GANC: variants seen among roughly 807,000 people sequenced by gnomAD.
GANC encodes neutral alpha-glucosidase C.
In GANC, 117 loss-of-function variants were observed where a neutral mutation model predicts 124.2. The observed-to-expected ratio is 0.94, with a 90% confidence interval of 0.81 to 1.10. The LOEUF is 1.10. GANC is among the 50% of genes least tolerant of loss of function. The pLI is 0.00. For missense variants in GANC, 1,140 were observed against 1,095.0 expected (o/e 1.04, Z -0.58); for synonymous variants, 377 against 376.8 (o/e 1.00, Z -0.01).
chr15:42,327,535 T>G (rs1450780106), intron 13 of GANC, 93 bp downstream of exon 13: 2 of 999,456 alleles, frequency 2.0e-6, no homozygotes, highest in African/African-American at 3.2e-5. Flanking sequence ...TTTCATTGAG[T>G]AGCTTTTGAT....
intron 12 of GANC, among the ~76,000 whole-genome samples, chr15:42,326,793 C>G (rs966367585): frequency 6.6e-6 from 1 of 152,146 alleles, no homozygotes; most frequent in African/African-American, 2.4e-5. Context: ...ACCCTTTTAG[C>G]CCATAGTTTT....
chr15:42,324,709 C>A (rs2052184872), intron 11 of GANC, among the ~76,000 whole-genome samples: 1 of 152,100 alleles, frequency 6.6e-6, no homozygotes, highest in Admixed American at 6.6e-5. Context: ...AAGACAAATA[C>A]CGTGTGATTC....
rs773501662 is a variant in GANC at position 42,352,181 on chromosome 15, C to G, written c.*42C>G. 1.9e-6 allele frequency: 3 copies of G among 1,607,528 alleles called. No homozygotes were observed. Among genetic ancestry groups the G allele is most frequent in the Admixed American group, 1.7e-5 (1 of 59,060 alleles). ...GTGATGTGAGCAGGGACCTGCCTGC[C>G]CCTTTCAACCTTTCCCCTCACCTTT... On this transcript the variant is annotated 3_prime_UTR_variant, in exon 24 of 24. Coordinates refer to ENST00000318010, the MANE Select transcript of GANC (RefSeq NM_198141.3).
At chr15:42,332,238 T>C (rs1166368691) in intron 15 of GANC, among the ~76,000 whole-genome samples, 1 of 152,178 alleles carries the variant, frequency 6.6e-6, no homozygotes, top group Admixed American at 6.5e-5. Flanking sequence ...TATAAGAAAA[T>C]GTAATACCTT....
intron 10 of GANC, among the ~76,000 whole-genome samples, chr15:42,320,597 C>T (rs902524519): frequency 6.6e-6 from 1 of 151,616 alleles, no homozygotes; most frequent in Non-Finnish European, 1.5e-5. Context: ...TACAGGTGCC[C>T]GCCACCACAC....
At chr15:42,300,166 A>G (rs1027737053) in intron 6 of GANC, among the ~76,000 whole-genome samples, 5 of 152,246 alleles carry the variant, frequency 3.3e-5, no homozygotes, top group Admixed American at 2.6e-4. Context: ...CGATCATCAG[A>G]GTAAACAGGC....
chr15:42,343,200 A>G (rs751672311), intron 19 of GANC, 46 bp downstream of exon 19: 3 of 1,499,726 alleles, frequency 2.0e-6, no homozygotes, highest in Non-Finnish European at 1.9e-6. Flanking sequence ...CATATCTCTC[A>G]TCCCTTCTTT....
chr15:42,329,200 A>C (rs1288232911), intron 13 of GANC, 106 bp from the exon 14 acceptor site: 1 of 1,135,132 alleles, frequency 8.8e-7, no homozygotes, highest in Non-Finnish European at 1.3e-6. Flanking sequence ...AGCAGAGGAC[A>C]GAGCATAGAT....
chr15:42,290,553 A>T (rs896069368), intron 4 of GANC, among the ~76,000 whole-genome samples: 3 of 152,210 alleles, frequency 2.0e-5, no homozygotes, highest in Non-Finnish European at 4.4e-5. Flanking sequence ...CACACCTGTA[A>T]TCCCAATACT....
intron 5 of GANC, among the ~76,000 whole-genome samples, chr15:42,296,865 T>G (rs77080589): frequency 4.0e-5 from 6 of 150,828 alleles, no homozygotes; most frequent in Non-Finnish European, 7.4e-5. Flanking sequence ...TTTTTTTTTT[T>G]GGAAGATATG....
In GANC at chr15:42,339,806, G is replaced by T; in HGVS notation, c.1981G>T (p.Glu661Ter). The T allele has an allele frequency of 1.2e-6, 2 of 1,614,048 alleles. No individual in the cohort carries two copies. The highest frequency in any genetic ancestry group is 1.7e-6 in the Non-Finnish European group (2 of 1,179,994). ...KRREPWLFGE[E>*]HTRLIREAIR... is the part of the protein sequence containing the mutation. ...ACGAGAGCCCTGGCTCTTTGGGGAG[G>T]AACACACCCGACTCATCCGAGAAGC... is the stretch of plus-strand genomic sequence containing the variant. Residue 661 changes from glutamate to a stop codon, truncating the protein, a stop_gained, in exon 17 of 24, where the codon GAA becomes TAA. Coordinates refer to ENST00000318010, the MANE Select transcript of GANC (RefSeq NM_198141.3). LOFTEE classifies it high-confidence loss of function.
chr15:42,338,377 T>C lies in GANC; in HGVS notation c.1742-12T>C, dbSNP rs775606121. ...ATTTGTGATTTTAATACATTGTTGC[T>C]GGTGACCAAAGGTGCCGTGTGGACA... On this transcript the variant is annotated splice_polypyrimidine_tract_variant and intron_variant, in intron 15 of 23. Coordinates refer to ENST00000318010, the MANE Select transcript of GANC (RefSeq NM_198141.3). 5 of 1,600,318 alleles carry C rather than the reference T, an allele frequency of 3.1e-6. No homozygotes were observed. In the South Asian group the frequency reaches 3.3e-5, roughly 11 times the overall value.
chr15:42,351,512 C>A (rs142045122), intron 23 of GANC, 80 bp downstream of exon 23: 2 of 992,944 alleles, frequency 2.0e-6, no homozygotes, highest in Non-Finnish European at 3.2e-6. Context: ...AGTCCCCAAA[C>A]GGAGATAATA....
intron 5 of GANC, among the ~76,000 whole-genome samples, chr15:42,294,127 T>C (rs1334619089): frequency 6.6e-6 from 1 of 151,622 alleles, no homozygotes; most frequent in Non-Finnish European, 1.5e-5. Context: ...TTAAACATTG[T>C]TTTCTTTCCT....
intron 10 of GANC, chr15:42,314,465 C>T: frequency 3.2e-6 from 1 of 311,092 alleles, no homozygotes. Flanking sequence ...AACTCAGGAG[C>T]TGTTATGGTC....
At chr15:42,346,689 A>G (rs931130807) in intron 20 of GANC, among the ~76,000 whole-genome samples, 1 of 152,228 alleles carries the variant, frequency 6.6e-6, no homozygotes, top group African/African-American at 2.4e-5. Context: ...CATATGTGCC[A>G]TCTGGAATAT....
intron 5 of GANC, among the ~76,000 whole-genome samples, chr15:42,295,271 G>A (rs957466096): frequency 6.6e-5 from 10 of 151,950 alleles, no homozygotes; most frequent in East Asian, 1.9e-4. Flanking sequence ...ACCACGCCCC[G>A]CCTGTAGTTT....
intron 8 of GANC, among the ~76,000 whole-genome samples, chr15:42,309,195 A>G (rs985817223): frequency 2.6e-5 from 4 of 152,216 alleles, no homozygotes; most frequent in African/African-American, 7.2e-5. Context: ...GTTTACTTTC[A>G]GGTAGGCACA....
chr15:42,328,521 A>AG (rs1491471494), intron 13 of GANC, among the ~76,000 whole-genome samples: 1 of 150,572 alleles, frequency 6.6e-6, no homozygotes, highest in East Asian at 1.9e-4. Flanking sequence ...AAAAAAAAAA[A>AG]CAAGCCACCT....
Sources: allele counts gnomAD v4.1 joint callset (sites outside exome capture counted in the v4.1 genomes callset), GRCh38; gene constraint gnomAD v4.1.1; transcripts MANE v1.5; gene names NCBI Gene and HGNC (gene_info 2026-07-23, HGNC 2026-07-21).